UQCRC2: variants seen among roughly 807,000 people sequenced by gnomAD.
UQCRC2 encodes ubiquinol-cytochrome c reductase core protein 2.
UQCRC2 carries 49 observed loss-of-function variants against 55.6 expected under a neutral mutation model. The ratio of observed to expected loss-of-function variants is 0.88; its 90% confidence interval spans 0.70 to 1.12. The LOEUF (loss-of-function observed/expected upper bound fraction) is 1.12, where lower values mean the gene tolerates loss of function less well. UQCRC2 is among the 50% of genes most tolerant of loss of function. The pLI is 0.00. For missense variants in UQCRC2, 506 were observed against 547.8 expected (o/e 0.92, Z 0.76); for synonymous variants, 193 against 192.0 (o/e 1.01, Z -0.04).
At chr16:21,977,239 A>T (rs189017281) in intron 12 of UQCRC2, among the ~76,000 whole-genome samples, 1 of 152,202 alleles carries the variant, frequency 6.6e-6, no homozygotes, top group Admixed American at 6.5e-5. Context: ...CTGTAGCCTC[A>T]GCTACTCAGG....
intron 10 of UQCRC2, among the ~76,000 whole-genome samples, chr16:21,972,597 G>A (rs1053446226): frequency 6.6e-6 from 1 of 152,154 alleles, no homozygotes. Context: ...ATGAGAGGCT[G>A]GGCACAGTGG....
At chr16:21,968,766 T>C in intron 8 of UQCRC2, 81 bp downstream of exon 8, 2 of 1,311,398 alleles carry the variant, frequency 1.5e-6, no homozygotes, top group Admixed American at 5.1e-5. Context: ...AACATAGGAT[T>C]GAACAAAATT....
intron 8 of UQCRC2, among the ~76,000 whole-genome samples, chr16:21,969,793 A>G (rs865998582): frequency 2.3e-4 from 35 of 152,026 alleles, no homozygotes; most frequent in African/African-American, 6.7e-4. Flanking sequence ...TCATCCCCCC[A>G]AAAGCCCCAT....
At chr16:21,974,308 G>A (rs1434706985) in intron 11 of UQCRC2, among the ~76,000 whole-genome samples, 1 of 152,122 alleles carries the variant, frequency 6.6e-6, no homozygotes. Flanking sequence ...TAGAGATTGT[G>A]TTGAAATCAG....
In UQCRC2 at chr16:21,983,098, A is replaced by C. The variant is rs1670659247; in HGVS notation, c.1289A>C (p.Lys430Thr). ...ANADIINAAK[K>T]FVSGQKSMAA... ...TTTGTTTCTTTAAAGGCGGCAAAGAAGTTTGTTTCTGGCCAGAAGTCAATG... is the reference window on the plus strand; with the variant it reads ...TTTGTTTCTTTAAAGGCGGCAAAGACGTTTGTTTCTGGCCAGAAGTCAATG... The change falls in exon 14 of 14, where the codon AAG (lysine) becomes ACG (threonine). Residue 430 changes from lysine to threonine, a missense_variant. Coordinates refer to ENST00000268379, the MANE Select transcript of UQCRC2 (RefSeq NM_003366.4). The C allele has an allele frequency of 6.2e-7, 1 of 1,613,388 alleles. No individual in the cohort carries two copies.
rs1224026627 is a variant in UQCRC2, at chr16:21,983,244, A to G, written c.*73A>G. The G allele has an allele frequency of 3.0e-6, 4 of 1,341,278 alleles. No individual in the cohort carries two copies. The highest frequency in any genetic ancestry group is 2.4e-5 in the East Asian group (1 of 42,196). 83.1% of individuals were successfully genotyped at this position (1,341,278 alleles called of 1,614,324 possible). A position where few individuals can be genotyped will look rare whatever the true frequency, so the allele number is the denominator to read the frequency against. ...GAGCAGCAAACACATGAAAGTCAGA[A>G]GTCTCTAATATATCATTTGTCTTTT... On this transcript the variant is annotated 3_prime_UTR_variant, in exon 14 of 14. Coordinates refer to ENST00000268379, the MANE Select transcript of UQCRC2 (RefSeq NM_003366.4).
At chr16:21,967,833 G>A (rs1334539008) in intron 7 of UQCRC2, among the ~76,000 whole-genome samples, 1 of 152,116 alleles carries the variant, frequency 6.6e-6, no homozygotes, top group East Asian at 1.9e-4. Flanking sequence ...CGAGAAGGGT[G>A]TTGTGGTAAA....
intron 13 of UQCRC2, 30 bp downstream of exon 13, chr16:21,980,730 A>T: frequency 6.2e-7 from 1 of 1,611,142 alleles, no homozygotes; most frequent in Non-Finnish European, 8.5e-7. Context: ...ACGATTTAAC[A>T]ACAGAGAACT....
chr16:21,974,483 T>C (rs902348675), intron 11 of UQCRC2, among the ~76,000 whole-genome samples: 2 of 152,198 alleles, frequency 1.3e-5, no homozygotes, highest in African/African-American at 4.8e-5. Context: ...TAACACCATT[T>C]TGACCCACAG....
rs771198441 is a variant in UQCRC2 at position 21,976,152 on chromosome 16, T to A, written c.1048-15T>A. ...GTACTGACCACAGATGACCAACTTT[T>A]CTTATCTGTCCTAGGTTATCAAGGC... On this transcript the variant is annotated splice_polypyrimidine_tract_variant and intron_variant, in intron 11 of 13. Coordinates refer to ENST00000268379, the MANE Select transcript of UQCRC2 (RefSeq NM_003366.4). 3.1e-6 allele frequency: 5 copies of A among 1,610,196 alleles called. No individual in the cohort carries two copies. Among genetic ancestry groups the A allele is most frequent in the Non-Finnish European group, 4.2e-6 (5 of 1,176,642 alleles).
At chr16:21,963,208 T>A (rs147388189) in intron 6 of UQCRC2, 158 of 182,028 alleles carry the variant, frequency 8.7e-4, no homozygotes, top group Middle Eastern at 2.6e-3. Flanking sequence ...CAGACTGGAG[T>A]TCAGTCTTGA....
intron 7 of UQCRC2, among the ~76,000 whole-genome samples, chr16:21,967,932 A>G (rs886117629): frequency 2.6e-5 from 4 of 152,046 alleles, no homozygotes; most frequent in Non-Finnish European, 5.9e-5. Flanking sequence ...CGTAAGCTAC[A>G]TTATAATAAA....
chr16:21,953,707 C>T (rs1898049070), intron 1 of UQCRC2, among the ~76,000 whole-genome samples: 2 of 152,216 alleles, frequency 1.3e-5, no homozygotes, highest in African/African-American at 2.4e-5. Flanking sequence ...GAAGCGAGTC[C>T]TTGGAGAGAC....
At chr16:21,969,350 A>G (rs991137442) in intron 8 of UQCRC2, among the ~76,000 whole-genome samples, 111 of 152,164 alleles carry the variant, frequency 7.3e-4, no homozygotes, top group Non-Finnish European at 3.1e-4. Context: ...CCTAGCCAAC[A>G]TGGCGAAACC....
intron 4 of UQCRC2, 101 bp downstream of exon 4, chr16:21,958,700 A>T (rs1256903652): frequency 2.0e-6 from 2 of 1,000,132 alleles, no homozygotes; most frequent in Non-Finnish European, 1.5e-6. Context: ...TTTCTTAAGC[A>T]ACATAAGAAG....
At chr16:21,958,668 CTG>C in intron 4 of UQCRC2, 69 bp downstream of exon 4, 1 of 1,391,474 alleles carries the variant, frequency 7.2e-7, no homozygotes, top group Non-Finnish European at 1.0e-6. Flanking sequence ...GAACTTTTCT[CTG>C]TTATCAAGGA....
chr16:21,953,396 T>C lies in UQCRC2; in HGVS notation c.-28T>C, dbSNP rs1283868267. ...ATCTTGCTTTCCTTTAATCCGGCAG[T>C]GACCGTGTGTCAGAACAATCTTGAA... On this transcript the variant is annotated 5_prime_UTR_variant, in exon 1 of 14. Transcript: ENST00000268379. 1.2e-6 allele frequency: 2 copies of C among 1,611,808 alleles called. No individual in the cohort carries two copies. Among genetic ancestry groups the C allele is most frequent in the Non-Finnish European group, 1.7e-6 (2 of 1,179,252 alleles).
chr16:21,956,690 C>G (rs1158632957), intron 1 of UQCRC2, among the ~76,000 whole-genome samples: 1 of 152,138 alleles, frequency 6.6e-6, no homozygotes. Flanking sequence ...AAATAAGCAT[C>G]AAGAACTCTA....
In UQCRC2 at chr16:21,980,710, T is replaced by C; in HGVS notation, c.1278+10T>C. 6.2e-7 allele frequency: 1 copy of C among 1,611,450 alleles called. No homozygotes were observed. The highest frequency in any genetic ancestry group is 8.5e-7 in the Non-Finnish European group (1 of 1,179,182). On this transcript the variant is annotated intron_variant, in intron 13 of 13. Coordinates refer to ENST00000268379, the MANE Select transcript of UQCRC2 (RefSeq NM_003366.4). ...TGCTGATATCATAAATGTAAGTAAA[T>C]GAAAACTTAACGATTTAACAACAGA...
Sources: allele counts gnomAD v4.1 joint callset (sites outside exome capture counted in the v4.1 genomes callset), GRCh38; gene constraint gnomAD v4.1.1; transcripts MANE v1.5; gene names NCBI Gene and HGNC (gene_info 2026-07-23, HGNC 2026-07-21).